NCOR1: variants seen among roughly 807,000 people sequenced by gnomAD.
NCOR1 encodes protein phosphatase 1, regulatory subunit 109.
In NCOR1, 63 loss-of-function variants were observed where a neutral mutation model predicts 288.1. That is an observed-to-expected ratio of 0.22 (90% CI 0.18 to 0.27). The LOEUF (loss-of-function observed/expected upper bound fraction) is 0.27, where lower values mean the gene tolerates loss of function less well. NCOR1 is among the 10% of genes least tolerant of loss of function. NCOR1 has a pLI of 1.00. For synonymous variants in NCOR1, 1,007 were observed against 1,065.9 expected, an observed-to-expected ratio of 0.94 and a Z score of 1.08; for missense variants, 2,397 against 3,019.2, an observed-to-expected ratio of 0.79 and a Z score of 4.83.
chr17:16,137,470 T>G (rs1163161100), intron 13 of NCOR1, 58 bp from the exon 14 acceptor site: 2 of 917,620 alleles, frequency 2.2e-6, no homozygotes, highest in Non-Finnish European at 3.2e-6. Flanking sequence ...AATTTTTTAA[T>G]TAAATATTAC....
At chr17:16,140,655 T>C (rs2077013438) in intron 11 of NCOR1, among the ~76,000 whole-genome samples, 1 of 152,030 alleles carries the variant, frequency 6.6e-6, no homozygotes, top group Admixed American at 6.5e-5. Context: ...TTCTACTAAA[T>C]ATACAAAAAT....
intron 3 of NCOR1, among the ~76,000 whole-genome samples, chr17:16,173,108 G>C (rs1467696970): frequency 6.6e-6 from 1 of 151,908 alleles, no homozygotes; most frequent in Non-Finnish European, 1.5e-5. Flanking sequence ...TTTTTGTAGA[G>C]ATGAGGTCTT....
intron 28 of NCOR1, among the ~76,000 whole-genome samples, chr17:16,073,091 C>T (rs1182899290): frequency 6.6e-6 from 1 of 152,196 alleles, no homozygotes; most frequent in Admixed American, 6.5e-5. Context: ...AAGAAGTTCT[C>T]ATAATAAACT....
intron 7 of NCOR1, 99 bp downstream of exon 7, chr17:16,153,240 T>G (rs927122239): frequency 2.4e-6 from 2 of 845,990 alleles, no homozygotes; most frequent in Admixed American, 2.4e-5. Context: ...TACATCTCTC[T>G]TATCCCAAAA....
intron 37 of NCOR1, among the ~76,000 whole-genome samples, chr17:16,060,587 C>A (rs2069131): frequency 6.6e-6 from 1 of 152,094 alleles, no homozygotes; most frequent in Non-Finnish European, 1.5e-5. Context: ...GTAGATATGA[C>A]GTAAACAAAT....
chr17:16,113,490 G>A (rs965402502), intron 18 of NCOR1, among the ~76,000 whole-genome samples: 1 of 152,158 alleles, frequency 6.6e-6, no homozygotes, highest in African/African-American at 2.4e-5. Flanking sequence ...AGATACTTAT[G>A]CATACTATTT....
intron 7 of NCOR1, among the ~76,000 whole-genome samples, chr17:16,152,264 C>T (rs1229694644): frequency 6.6e-6 from 1 of 152,090 alleles, no homozygotes; most frequent in Non-Finnish European, 1.5e-5. Flanking sequence ...ATTAACTCAT[C>T]ACTTACATTA....
intron 1 of NCOR1, among the ~76,000 whole-genome samples, chr17:16,209,613 A>G (rs1306077675): frequency 2.0e-5 from 3 of 148,378 alleles, no homozygotes; most frequent in African/African-American, 7.6e-5. Context: ...CAGAAAATGA[A>G]TATTACAAAT....
intron 10 of NCOR1, among the ~76,000 whole-genome samples, chr17:16,145,734 G>A (rs1413799479): frequency 6.6e-6 from 1 of 151,874 alleles, no homozygotes; most frequent in Non-Finnish European, 1.5e-5. Context: ...CCCCTGCCCA[G>A]TCAGCCGCCC....
At chr17:16,154,342 A>G (rs543770681) in intron 6 of NCOR1, among the ~76,000 whole-genome samples, 57 of 152,334 alleles carry the variant, frequency 3.7e-4, no homozygotes, top group African/African-American at 1.3e-3. Context: ...AAGTCTACAG[A>G]TAGAAGTAAA....
intron 4 of NCOR1, among the ~76,000 whole-genome samples, chr17:16,168,803 T>A (rs1021891844): frequency 2.0e-5 from 3 of 151,758 alleles, no homozygotes; most frequent in African/African-American, 7.3e-5. Context: ...AAACCTCGTC[T>A]CCACTAAAAA....
chr17:16,044,658 C>A, intron 42 of NCOR1: 1 of 653,120 alleles, frequency 1.5e-6, no homozygotes, highest in Non-Finnish European at 2.9e-6. Context: ...ATCTACTCAG[C>A]CCTCACTCTG....
At chr17:16,113,432 A>T (rs904403525) in intron 18 of NCOR1, among the ~76,000 whole-genome samples, 5 of 152,316 alleles carry the variant, frequency 3.3e-5, no homozygotes, top group African/African-American at 7.2e-5. Context: ...ATGTAGCCTC[A>T]CACAGATATG....
At chr17:16,131,565 T>C (rs2075644354) in intron 14 of NCOR1, among the ~76,000 whole-genome samples, 1 of 152,132 alleles carries the variant, frequency 6.6e-6, no homozygotes, top group Non-Finnish European at 1.5e-5. Context: ...CTAAATTTAA[T>C]AACAAGCAGC....
intron 21 of NCOR1, among the ~76,000 whole-genome samples, chr17:16,095,378 C>G (rs1276710955): frequency 2.6e-5 from 4 of 151,218 alleles, no homozygotes; most frequent in Non-Finnish European, 4.4e-5. Context: ...GCAGCCACCC[C>G]GCCCGGGAGG....
At chr17:16,176,181 T>C (rs1271323381) in intron 3 of NCOR1, among the ~76,000 whole-genome samples, 1 of 152,072 alleles carries the variant, frequency 6.6e-6, no homozygotes, top group Non-Finnish European at 1.5e-5. Flanking sequence ...ATCGCATCAT[T>C]GCACTCCAGC....
chr17:16,052,110 G>T (rs1023879336), intron 40 of NCOR1, among the ~76,000 whole-genome samples: 16 of 151,624 alleles, frequency 1.1e-4, no homozygotes, highest in Non-Finnish European at 1.8e-4. Context: ...CCGGGTTCAC[G>T]CCATTCTCCT....
At chr17:16,181,456 T>C (rs2085468900) in intron 3 of NCOR1, among the ~76,000 whole-genome samples, 1 of 146,968 alleles carries the variant, frequency 6.8e-6, no homozygotes, top group Non-Finnish European at 1.5e-5. Flanking sequence ...TGGTTGGGGA[T>C]AGAGAAATAA....
In NCOR1 at chr17:16,108,865, A is replaced by T. The variant is rs2069361097; in HGVS notation, c.2103T>A (p.Ser701Arg). Residue 701 changes from serine to arginine, a missense_variant, in exon 19 of 46, where the codon AGT (serine) becomes AGA (arginine). By Grantham distance (110) the Ser-to-Arg change is moderately radical. This residue lies in a region of NCOR1 where 1,872 missense variants were observed against 2,187.8 expected (regional missense o/e 0.86). Transcript: ENST00000268712. Reference sequence around the variant, plus strand: ...CCTGAGCAGAAACAGTGGAAGCGACACTTTCACATTGAGACACATCTCGCT... The same window carrying T: ...CCTGAGCAGAAACAGTGGAAGCGACTCTTTCACATTGAGACACATCTCGCT... ...REERDVSQCE[S>R]VASTVSAQED... is the part of the protein sequence containing the mutation. The T allele has an allele frequency of 6.2e-7, 1 of 1,607,284 alleles. No homozygotes were observed. Among genetic ancestry groups the T allele is most frequent in the African/African-American group, 1.3e-5 (1 of 74,810 alleles).
Sources: allele counts gnomAD v4.1 joint callset (sites outside exome capture counted in the v4.1 genomes callset), GRCh38; gene constraint gnomAD v4.1.1; regional missense constraint gnomAD v4.1.1; transcripts MANE v1.5; gene names NCBI Gene and HGNC (gene_info 2026-07-23, HGNC 2026-07-21).